The following ERC1 variants were observed in gnomAD, a reference collection of about 807,000 sequenced individuals.
ERC1 encodes ELKS/RAB6-interacting/CAST family member 1.
In ERC1, 56 loss-of-function variants were observed where a neutral mutation model predicts 132.0. The observed-to-expected ratio is 0.42, with a 90% CI of 0.34 to 0.53. The LOEUF is 0.53. Ranked by LOEUF, ERC1 falls within the 20% of genes least tolerant of loss-of-function variation. The pLI is 0.03. For synonymous variants in ERC1, 478 were observed against 476.1 expected (o/e 1.00, Z -0.05); for missense variants, 1,202 against 1,349.9 (o/e 0.89, Z 1.72).
intron 17 of ERC1, among the ~76,000 whole-genome samples, chr12:1,422,652 C>G (rs1194407085): frequency 1.3e-5 from 2 of 152,122 alleles, no homozygotes; most frequent in Non-Finnish European, 2.9e-5. Flanking sequence ...TAGTGCTGCA[C>G]TAAACATGGG....
rs1279720409 is a variant in ERC1, at chr12:1,493,454, T to C, written c.*3224T>C. ...GCTACTCAGGAGGCAGGAGAATCGC[T>C]TGAGCCTGGGAGGCAGAGGCTGCGG... On this transcript the variant is annotated 3_prime_UTR_variant, in exon 19 of 19. Coordinates refer to ENST00000360905, the MANE Select transcript of ERC1 (RefSeq NM_178040.4). The C allele has an allele frequency of 8.4e-5, 13 of 154,910 alleles. 1 individual carries two copies. In the East Asian group the frequency reaches 2.0e-3, roughly 23 times the overall value. The allele number at this position is 154,910 out of a possible 1,614,324, so 9.6% of individuals were successfully genotyped here. A position where few individuals can be genotyped will look rare whatever the true frequency, so the allele number is the denominator to read the frequency against.
At chr12:1,196,220 A>G (rs1337829014) in intron 12 of ERC1, among the ~76,000 whole-genome samples, 6 of 152,076 alleles carry the variant, frequency 3.9e-5, no homozygotes, top group Non-Finnish European at 8.8e-5. Flanking sequence ...CTTTTGTTGT[A>G]GTCCTCTTTA....
chr12:1,251,465 A>G (rs1212351733), intron 13 of ERC1, among the ~76,000 whole-genome samples: 1 of 152,116 alleles, frequency 6.6e-6, no homozygotes, highest in African/African-American at 2.4e-5. Flanking sequence ...GGTGTTCTTA[A>G]TGAATATTAG....
rs570850527 is a variant in ERC1 at position 1,455,739 on chromosome 12, G to A, written c.3213+10989G>A. Among the ~76,000 whole-genome samples the A allele has an allele frequency of 7.2e-5, 11 of 152,274 alleles. 1 individual carries two copies. The South Asian group carries it at 2.1e-3, about 29-fold the overall frequency. On this transcript the variant is annotated intron_variant, in intron 18 of 18. Coordinates refer to ENST00000360905, the MANE Select transcript of ERC1 (RefSeq NM_178040.4). ...GTTTTTGACAAGTCGCCTTTCCCTT[G>A]TATATAAATGCGAACCGTTTTTCAT...
intron 2 of ERC1, among the ~76,000 whole-genome samples, chr12:1,071,001 C>T (rs543326146): frequency 1.2e-4 from 18 of 152,290 alleles, no homozygotes; most frequent in African/African-American, 3.9e-4. Context: ...TTGTTTTTTA[C>T]ATTTATCCAT....
chr12:1,052,854 C>T (rs1158668077), intron 2 of ERC1, among the ~76,000 whole-genome samples: 2 of 152,050 alleles, frequency 1.3e-5, no homozygotes, highest in African/African-American at 2.4e-5. Flanking sequence ...CCTGCAATCC[C>T]AGCTACTCAG....
intron 14 of ERC1, among the ~76,000 whole-genome samples, chr12:1,264,044 A>C (rs1056747180): frequency 6.6e-6 from 1 of 152,172 alleles, no homozygotes; most frequent in Non-Finnish European, 1.5e-5. Context: ...TCAAATAGCT[A>C]ATATTTTATT....
rs771102189 is a variant in ERC1 at position 1,493,531 on chromosome 12, T to TAAAAAAAAAA, written c.*3310_*3319dup. 4.7e-5 allele frequency: 2 copies of TAAAAAAAAAA among 42,366 alleles called. No homozygotes were observed. Among genetic ancestry groups the TAAAAAAAAAA allele is most frequent in the Non-Finnish European group, 8.4e-5 (2 of 23,828 alleles). 2.6% of individuals were successfully genotyped at this position (42,366 alleles called of 1,614,324 possible). A position where few individuals can be genotyped will look rare whatever the true frequency, so the allele number is the denominator to read the frequency against. On this transcript the variant is annotated 3_prime_UTR_variant, in exon 19 of 19. Transcript: ENST00000360905. Reference sequence around the variant, plus strand: ...CAGCCTGGGTGACAGAGACTCCATTTAAAAAAAAAAAAAAAAAATATATAT... The same window carrying TAAAAAAAAAA: ...CAGCCTGGGTGACAGAGACTCCATTTAAAAAAAAAAAAAAAAAAAAAAAAAAAATATATAT...
At chr12:1,239,277 A>T (rs1445709390) in intron 13 of ERC1, among the ~76,000 whole-genome samples, 3 of 151,932 alleles carry the variant, frequency 2.0e-5, no homozygotes, top group Non-Finnish European at 2.9e-5. Flanking sequence ...GCTGTTCTCG[A>T]ACTCCTGGCT....
intron 13 of ERC1, among the ~76,000 whole-genome samples, chr12:1,255,319 C>T (rs1330902309): frequency 2.6e-5 from 4 of 152,122 alleles, no homozygotes; most frequent in Non-Finnish European, 5.9e-5. Flanking sequence ...TATATATGTG[C>T]CACATTTGCT....
chr12:1,120,302 A>C (rs759708971), intron 7 of ERC1, among the ~76,000 whole-genome samples: 36 of 152,186 alleles, frequency 2.4e-4, no homozygotes, highest in Non-Finnish European at 4.6e-4. Flanking sequence ...CATGGAGGGA[A>C]ATTTAAATTC....
chr12:1,444,873 T>G, intron 18 of ERC1, 123 bp downstream of exon 18: 2 of 765,876 alleles, frequency 2.6e-6, no homozygotes, highest in East Asian at 2.7e-5. Context: ...GGGGCTACCT[T>G]GGGGAATCCC....
At chr12:1,286,346 A>G (rs1423532886) in intron 14 of ERC1, among the ~76,000 whole-genome samples, 1 of 151,956 alleles carries the variant, frequency 6.6e-6, no homozygotes, top group East Asian at 1.9e-4. Flanking sequence ...ACAGTAAAAG[A>G]TGATAGAAGA....
intron 7 of ERC1, among the ~76,000 whole-genome samples, chr12:1,140,196 C>G (rs560598428): frequency 1.3e-5 from 2 of 152,204 alleles, no homozygotes; most frequent in East Asian, 1.9e-4. Flanking sequence ...TAAGTACTTA[C>G]AGTAGTAGCA....
intron 12 of ERC1, among the ~76,000 whole-genome samples, chr12:1,201,656 A>G (rs910122305): frequency 9.2e-5 from 14 of 152,338 alleles, no homozygotes; most frequent in African/African-American, 3.1e-4. Context: ...TAACCCGGAA[A>G]TGTAAACCTA....
intron 8 of ERC1, among the ~76,000 whole-genome samples, chr12:1,157,948 C>T (rs1746060124): frequency 6.6e-6 from 1 of 152,128 alleles, no homozygotes; most frequent in South Asian, 2.1e-4. Flanking sequence ...GTCAAACTGT[C>T]CAAAACTGAT....
intron 8 of ERC1, among the ~76,000 whole-genome samples, chr12:1,166,173 C>T (rs73041054): frequency 1.3e-5 from 2 of 152,244 alleles, no homozygotes; most frequent in Non-Finnish European, 2.9e-5. Context: ...TTGTAATAAC[C>T]ACAGTTCCCA....
chr12:1,098,004 G>A (rs1176168753), intron 3 of ERC1, among the ~76,000 whole-genome samples: 2 of 152,152 alleles, frequency 1.3e-5, no homozygotes, highest in Non-Finnish European at 2.9e-5. Context: ...CGTGAGCCAT[G>A]GTGCCCGGAC....
intron 7 of ERC1, among the ~76,000 whole-genome samples, chr12:1,119,416 T>TA (rs1268353501): frequency 6.6e-6 from 1 of 152,120 alleles, no homozygotes; most frequent in African/African-American, 2.4e-5. Context: ...ATATAGTGGT[T>TA]AAAAGCATGG....
Sources: allele counts gnomAD v4.1 joint callset (sites outside exome capture counted in the v4.1 genomes callset), GRCh38; gene constraint gnomAD v4.1.1; transcripts MANE v1.5; gene names NCBI Gene and HGNC (gene_info 2026-07-23, HGNC 2026-07-21).